The following CGRRF1 variants were observed in gnomAD, a reference collection of about 807,000 sequenced individuals.
CGRRF1 encodes cell growth regulator with RING finger domain protein 1.
CGRRF1 carries 32 observed loss-of-function variants against 37.2 expected under a neutral mutation model. The observed-to-expected ratio is 0.86, with a 90% CI of 0.65 to 1.16. The LOEUF (loss-of-function observed/expected upper bound fraction) is 1.16, where lower values mean the gene tolerates loss of function less well. Among genes scored for constraint, CGRRF1 ranks in the 50% most tolerant of loss-of-function variants. The probability of loss-of-function intolerance (pLI) is 0.00; values close to 1 mark genes in which losing one functional copy is unlikely to be tolerated. For missense variants in CGRRF1, 391 were observed against 382.6 expected (o/e 1.02, Z -0.18); for synonymous variants, 141 against 140.3 (o/e 1.00, Z -0.04).
At chr14:54,518,145 T>C (rs1009113053) in intron 1 of CGRRF1, among the ~76,000 whole-genome samples, 1 of 152,214 alleles carries the variant, frequency 6.6e-6, no homozygotes, top group Non-Finnish European at 1.5e-5. Context: ...TACTCAGTAA[T>C]AGGATTGCTG....
Position 54,522,369 on chromosome 14 carries a change from C to T in CGRRF1, c.105-85C>T, listed in dbSNP as rs1009301516. 1.5e-5 allele frequency: 14 copies of T among 936,308 alleles called. No homozygotes were observed. The Admixed American group carries it at 3.7e-4, about 25-fold the overall frequency. 58.0% of individuals were successfully genotyped at this position (936,308 alleles called of 1,614,324 possible). On this transcript the variant is annotated intron_variant, in intron 1 of 5. Coordinates refer to ENST00000216420, the MANE Select transcript of CGRRF1 (RefSeq NM_006568.3). ...TCTGACACTTAATGCTAAAAGGAAT[C>T]GCTAATGAAGCACAACAGATTTTAC...
intron 4 of CGRRF1, among the ~76,000 whole-genome samples, chr14:54,535,666 TA>T (rs1049031040): frequency 2.6e-5 from 4 of 152,232 alleles, no homozygotes; most frequent in Middle Eastern, 3.4e-3. Flanking sequence ...TGCTTTTTAT[TA>T]AAAAAAATTT....
intron 1 of CGRRF1, among the ~76,000 whole-genome samples, chr14:54,520,041 C>T (rs541274913): frequency 1.3e-5 from 2 of 152,226 alleles, no homozygotes; most frequent in East Asian, 3.9e-4. Context: ...GATTAGAGTT[C>T]AGTGTTTGTT....
Position 54,509,954 on chromosome 14 carries a change from A to C in CGRRF1, c.-6A>C, listed in dbSNP as rs764124020. 1.2e-6 allele frequency: 2 copies of C among 1,608,084 alleles called. No individual in the cohort carries two copies. Among genetic ancestry groups the C allele is most frequent in the Non-Finnish European group, 1.7e-6 (2 of 1,174,578 alleles). On this transcript the variant is annotated 5_prime_UTR_variant, in exon 1 of 6. Coordinates refer to ENST00000216420, the MANE Select transcript of CGRRF1 (RefSeq NM_006568.3). Reference sequence around the variant, plus strand: ...GGAGCCGGGCTCTACCCAGAGCAAGACCCTGATGGCTGCGGTGTTTCTGGT... The same window carrying C: ...GGAGCCGGGCTCTACCCAGAGCAAGCCCCTGATGGCTGCGGTGTTTCTGGT...
chr14:54,526,641 A>G (rs1425700660), intron 2 of CGRRF1, among the ~76,000 whole-genome samples: 1 of 152,128 alleles, frequency 6.6e-6, no homozygotes, highest in South Asian at 2.1e-4. Context: ...TTAGATACTC[A>G]GTGTATATAA....
intron 2 of CGRRF1, 115 bp from the exon 3 acceptor site, chr14:54,529,934 T>C: frequency 1.3e-6 from 1 of 746,522 alleles, no homozygotes. Flanking sequence ...ACAAGTTCTT[T>C]TAACTGCCAT....
chr14:54,526,272 C>T (rs1290613652), intron 2 of CGRRF1, among the ~76,000 whole-genome samples: 1 of 149,862 alleles, frequency 6.7e-6, no homozygotes, highest in Non-Finnish European at 1.5e-5. Flanking sequence ...CCCTTAGCCT[C>T]CTGAGTAGCA....
chr14:54,528,473 TAATA>T (rs1198892653), intron 2 of CGRRF1, among the ~76,000 whole-genome samples: 5 of 152,158 alleles, frequency 3.3e-5, no homozygotes, highest in African/African-American at 9.6e-5. Flanking sequence ...AGTAATACAA[TAATA>T]AATAATCATT....
chr14:54,525,642 A>G (rs2032399290), intron 2 of CGRRF1, among the ~76,000 whole-genome samples: 1 of 152,252 alleles, frequency 6.6e-6, no homozygotes, highest in Non-Finnish European at 1.5e-5. Flanking sequence ...AGATGTCTAT[A>G]CAGAACATTA....
intron 2 of CGRRF1, among the ~76,000 whole-genome samples, chr14:54,529,355 A>C (rs1161739332): frequency 6.6e-6 from 1 of 152,232 alleles, no homozygotes; most frequent in Non-Finnish European, 1.5e-5. Context: ...TTTCACATCT[A>C]CTTACAATTT....
At chr14:54,513,640 T>C (rs1026477025) in intron 1 of CGRRF1, among the ~76,000 whole-genome samples, 1 of 152,130 alleles carries the variant, frequency 6.6e-6, no homozygotes, top group Non-Finnish European at 1.5e-5. Flanking sequence ...TGTTATGTTA[T>C]TTTTGAGACA....
At chr14:54,512,302 A>G (rs2032142385) in intron 1 of CGRRF1, among the ~76,000 whole-genome samples, 1 of 152,232 alleles carries the variant, frequency 6.6e-6, no homozygotes, top group South Asian at 2.1e-4. Flanking sequence ...GCATATGATT[A>G]TTGGAATCCC....
chr14:54,516,202 T>C (rs749586148), intron 1 of CGRRF1, among the ~76,000 whole-genome samples: 6 of 152,190 alleles, frequency 3.9e-5, no homozygotes, highest in Non-Finnish European at 7.4e-5. Flanking sequence ...TAAAGAGATA[T>C]AAGAAAAGCA....
In CGRRF1 at chr14:54,530,064, C is replaced by A. The variant is rs2032483603; in HGVS notation, c.260C>A (p.Thr87Lys). The stretch of plus-strand genomic sequence containing the variant: ...TTTTTTACAGCTGGCATAACCTTGA[C>A]AACAGATTGCCTTGAAGATAGCCTC... ...SASITTGITLTTDCLEDSLLT... is the reference protein window; with the variant it reads ...SASITTGITLKTDCLEDSLLT... Residue 87 changes from threonine to lysine, a missense_variant, in exon 3 of 6, where the codon ACA becomes AAA. Coordinates refer to ENST00000216420, the MANE Select transcript of CGRRF1 (RefSeq NM_006568.3). 3 of 1,609,662 alleles carry A rather than the reference C, an allele frequency of 1.9e-6. No individual in the cohort carries two copies. The highest frequency in any genetic ancestry group is 1.3e-5 in the African/African-American group (1 of 74,836).
intron 1 of CGRRF1, among the ~76,000 whole-genome samples, chr14:54,512,947 T>C (rs1379664341): frequency 6.6e-6 from 1 of 152,250 alleles, no homozygotes; most frequent in Non-Finnish European, 1.5e-5. Flanking sequence ...TTACTACTTC[T>C]TATCACATAA....
At chr14:54,515,425 A>G (rs1199038197) in intron 1 of CGRRF1, among the ~76,000 whole-genome samples, 1 of 151,866 alleles carries the variant, frequency 6.6e-6, no homozygotes, top group African/African-American at 2.4e-5. Flanking sequence ...AATTAAGTCA[A>G]ATTGGTTGAT....
Position 54,538,896 on chromosome 14 carries a change from CTTA to C in CGRRF1, c.*518_*520del, listed in dbSNP as rs2032646824. On this transcript the variant is annotated 3_prime_UTR_variant, in exon 6 of 6. Transcript: ENST00000216420. Reference sequence around the variant, plus strand: ...TCCATCTGTTTGGTTTCTAATGTCCCTTATTATAGTTACGTAAATACAGGTCAT... The same window carrying C: ...TCCATCTGTTTGGTTTCTAATGTCCCTTATAGTTACGTAAATACAGGTCAT... 2 of 153,120 alleles carry C rather than the reference CTTA, an allele frequency of 1.3e-5. No individual in the cohort carries two copies. 9.5% of individuals were successfully genotyped at this position (153,120 alleles called of 1,614,324 possible).
chr14:54,533,150 G>T (rs1334275969), intron 4 of CGRRF1, among the ~76,000 whole-genome samples: 1 of 151,092 alleles, frequency 6.6e-6, no homozygotes, highest in Admixed American at 6.6e-5. Context: ...TTGTGTATCT[G>T]TGTGGTAAAA....
rs1010856662 is a variant in CGRRF1 at position 54,537,654 on chromosome 14, A to AT, written c.571-63dup. On this transcript the variant is annotated intron_variant, in intron 4 of 5. Coordinates refer to ENST00000216420, the MANE Select transcript of CGRRF1 (RefSeq NM_006568.3). ...CAGTGTCTAGAAGCAGTTGAAAAGCATTTTTCATATATTTGTGAAATAATA... is the reference window on the plus strand; with the variant it reads ...CAGTGTCTAGAAGCAGTTGAAAAGCATTTTTTCATATATTTGTGAAATAATA... 12 of 1,365,866 alleles carry AT rather than the reference A, an allele frequency of 8.8e-6. No individual in the cohort carries two copies. The African/African-American group carries it at 1.8e-4, about 21-fold the overall frequency. The allele number at this position is 1,365,866 out of a possible 1,614,324, so 84.6% of individuals were successfully genotyped here.
Sources: allele counts gnomAD v4.1 joint callset (sites outside exome capture counted in the v4.1 genomes callset), GRCh38; gene constraint gnomAD v4.1.1; transcripts MANE v1.5; gene names NCBI Gene and HGNC (gene_info 2026-07-23, HGNC 2026-07-21).